Variants in SPOCK1 observed in about 807,000 individuals in gnomAD.
The protein encoded by SPOCK1 is testican-1.
SPOCK1 carries 23 observed loss-of-function variants against 55.3 expected under a neutral mutation model. That is an observed-to-expected ratio of 0.42 (90% CI 0.30 to 0.59). SPOCK1 has a LOEUF of 0.59. SPOCK1 is among the 20% of genes least tolerant of loss of function. The probability of loss-of-function intolerance (pLI) is 0.22; values close to 1 mark genes in which losing one functional copy is unlikely to be tolerated. For synonymous variants in SPOCK1, 226 were observed against 221.0 expected (o/e 1.02, Z -0.20); for missense variants, 499 against 552.5 (o/e 0.90, Z 0.97).
chr5:137,352,171 A>G (rs569877263), intron 2 of SPOCK1, among the ~76,000 whole-genome samples: 1 of 152,364 alleles, frequency 6.6e-6, no homozygotes, highest in South Asian at 2.1e-4. Flanking sequence ...GTAGAGAAAT[A>G]TCTAGAATAA....
chr5:137,101,104 G>C (rs946091541), intron 5 of SPOCK1, among the ~76,000 whole-genome samples: 17 of 152,030 alleles, frequency 1.1e-4, no homozygotes, highest in Non-Finnish European at 5.9e-5. Context: ...AAAATATGAA[G>C]AAGTCTGACC....
chr5:137,131,512 G>T (rs1456355867), intron 4 of SPOCK1, among the ~76,000 whole-genome samples: 3 of 152,056 alleles, frequency 2.0e-5, no homozygotes, highest in African/African-American at 7.2e-5. Context: ...GGAGGCTGAG[G>T]CAGGAGAATC....
chr5:137,354,253 CT>C (rs1485210366), intron 2 of SPOCK1, among the ~76,000 whole-genome samples: 2 of 152,174 alleles, frequency 1.3e-5, no homozygotes, highest in Admixed American at 1.3e-4. Flanking sequence ...TCCTGCATTC[CT>C]ATACTTACAT....
At chr5:136,985,630 A>G (rs1370849173) in intron 8 of SPOCK1, among the ~76,000 whole-genome samples, 1 of 152,112 alleles carries the variant, frequency 6.6e-6, no homozygotes, top group African/African-American at 2.4e-5. Context: ...GAAAGGATGG[A>G]TAGGAATGGT....
chr5:137,165,762 A>G (rs1012926150), intron 3 of SPOCK1, among the ~76,000 whole-genome samples: 6 of 152,226 alleles, frequency 3.9e-5, no homozygotes, highest in Non-Finnish European at 7.3e-5. Context: ...TGAAAAACGC[A>G]ATTGGCATAC....
intron 5 of SPOCK1, among the ~76,000 whole-genome samples, chr5:137,088,073 G>A (rs1009636067): frequency 6.6e-6 from 1 of 152,334 alleles, no homozygotes; most frequent in East Asian, 1.9e-4. Context: ...TTCCATGTGT[G>A]TGAAGATTGC....
At chr5:137,137,661 C>T (rs1375232762) in intron 4 of SPOCK1, among the ~76,000 whole-genome samples, 1 of 152,184 alleles carries the variant, frequency 6.6e-6, no homozygotes, top group Non-Finnish European at 1.5e-5. Flanking sequence ...TCTTAGTCTA[C>T]ACCTGCTGTG....
intron 2 of SPOCK1, among the ~76,000 whole-genome samples, chr5:137,458,917 A>T (rs1380080375): frequency 6.6e-6 from 1 of 152,222 alleles, no homozygotes; most frequent in Non-Finnish European, 1.5e-5. Context: ...ATGGGCCACC[A>T]ATTTGGATGT....
intron 3 of SPOCK1, among the ~76,000 whole-genome samples, chr5:137,156,227 C>T (rs888982472): frequency 6.6e-6 from 1 of 152,152 alleles, no homozygotes; most frequent in South Asian, 2.1e-4. Context: ...AGTATTGCTG[C>T]AAAAATGAGG....
chr5:137,329,631 C>T (rs530965624), intron 2 of SPOCK1, among the ~76,000 whole-genome samples: 147 of 152,240 alleles, frequency 9.7e-4, no homozygotes, highest in Non-Finnish European at 1.8e-3. Flanking sequence ...TGATGCAAAG[C>T]GTGGGATGTA....
chr5:137,416,581 G>A (rs1475056177), intron 2 of SPOCK1, among the ~76,000 whole-genome samples: 2 of 152,176 alleles, frequency 1.3e-5, no homozygotes, highest in South Asian at 4.1e-4. Context: ...TCTCCCCAAA[G>A]AGCCATAAAA....
At chr5:137,016,013 T>C (rs917028030) in intron 6 of SPOCK1, among the ~76,000 whole-genome samples, 84 of 152,274 alleles carry the variant, frequency 5.5e-4, no homozygotes, top group African/African-American at 1.9e-3. Flanking sequence ...GTCTGAAGGA[T>C]ACTCCTACTG....
At chr5:137,050,605 G>A (rs927306213) in intron 6 of SPOCK1, among the ~76,000 whole-genome samples, 4 of 151,924 alleles carry the variant, frequency 2.6e-5, no homozygotes, top group Admixed American at 6.6e-5. Flanking sequence ...CGTCTTCTGC[G>A]TCGCTCACGC....
At chr5:137,056,158 A>G (rs921516543) in intron 6 of SPOCK1, among the ~76,000 whole-genome samples, 21 of 152,172 alleles carry the variant, frequency 1.4e-4, no homozygotes, top group African/African-American at 5.1e-4. Flanking sequence ...GGCTGTAGGA[A>G]AAGCTGGAGC....
At chr5:137,137,682 G>A (rs1477492412) in intron 4 of SPOCK1, among the ~76,000 whole-genome samples, 1 of 152,128 alleles carries the variant, frequency 6.6e-6, no homozygotes. Flanking sequence ...AATTGCAAAG[G>A]GGGCAGCAGA....
chr5:137,438,723 G>A (rs1752917660), intron 2 of SPOCK1, among the ~76,000 whole-genome samples: 3 of 152,230 alleles, frequency 2.0e-5, no homozygotes, highest in Admixed American at 6.5e-5. Context: ...CCACCCATAG[G>A]TTCCAAAAGG....
chr5:136,976,108 T>A lies in SPOCK1; in HGVS notation c.*2546A>T, dbSNP rs1750610104. 1 of 152,160 alleles carries A rather than the reference T, an allele frequency of 6.6e-6. No individual in the cohort carries two copies. Among genetic ancestry groups the A allele is most frequent in the Admixed American group, 6.5e-5 (1 of 15,294 alleles). 9.4% of individuals were successfully genotyped at this position (152,160 alleles called of 1,614,324 possible). ...TTTCCAAGAAGAAGAAAGCAAACAT[T>A]CTACTTCTAAGGATAAGGTAACTCA... On this transcript the variant is annotated 3_prime_UTR_variant, in exon 11 of 11. Transcript: ENST00000394945.
At chr5:137,357,115 T>A (rs1196009948) in intron 2 of SPOCK1, among the ~76,000 whole-genome samples, 1 of 151,786 alleles carries the variant, frequency 6.6e-6, no homozygotes, top group Non-Finnish European at 1.5e-5. Flanking sequence ...GGCTCCATCT[T>A]CCCTATAGAA....
In SPOCK1 at chr5:137,186,998, T is replaced by C. The variant is rs576107135; in HGVS notation, c.233-46304A>G. Among the ~76,000 whole-genome samples the C allele has an allele frequency of 6.6e-5, 10 of 152,326 alleles. No homozygotes were observed. The South Asian group carries it at 1.9e-3, about 28-fold the overall frequency. On this transcript the variant is annotated intron_variant, in intron 3 of 10. Transcript: ENST00000394945. ...GTTACTCCCTGTAGTTTCTGTGATA[T>C]TGTGACATTGCCCCATCCAGTCCAC... is the stretch of plus-strand genomic sequence containing the variant.
Sources: allele counts gnomAD v4.1 joint callset (sites outside exome capture counted in the v4.1 genomes callset), GRCh38; gene constraint gnomAD v4.1.1; transcripts MANE v1.5; gene names NCBI Gene and HGNC (gene_info 2026-07-23, HGNC 2026-07-21).